PPP2R3A: variants seen among roughly 807,000 people sequenced by gnomAD.
PPP2R3A encodes the protein protein phosphatase 2 regulatory subunit B''alpha, also known as serine/threonine-protein phosphatase 2A regulatory subunit B'' subunit alpha.
In PPP2R3A, 80 loss-of-function variants were observed where a neutral mutation model predicts 106.9. That is an observed-to-expected ratio of 0.75 (90% CI 0.62 to 0.90). PPP2R3A has a LOEUF of 0.90. Ranked by LOEUF, PPP2R3A falls within the 40% of genes least tolerant of loss-of-function variation. PPP2R3A has a pLI of 0.00. For synonymous variants in PPP2R3A, 483 were observed against 468.3 expected (o/e 1.03, Z -0.41); for missense variants, 1,386 against 1,350.4 (o/e 1.03, Z -0.41).
At chr3:135,977,722 A>T (rs1427988185) in intron 1 of PPP2R3A, among the ~76,000 whole-genome samples, 1 of 113,840 alleles carries the variant, frequency 8.8e-6, no homozygotes, top group Non-Finnish European at 1.8e-5. Context: ...TTTTTGAGAT[A>T]AGAGTCTCAC....
chr3:136,022,730 G>A (rs1054645273), intron 2 of PPP2R3A: 36 of 1,075,716 alleles, frequency 3.3e-5, no homozygotes, highest in Admixed American at 2.6e-4. Context: ...AGTAGTGGGT[G>A]CTCCCTTTCC....
At chr3:136,050,367 C>T (rs1040506953) in intron 5 of PPP2R3A, among the ~76,000 whole-genome samples, 1 of 152,200 alleles carries the variant, frequency 6.6e-6, no homozygotes, top group Non-Finnish European at 1.5e-5. Flanking sequence ...CTTTAGCCTT[C>T]GTTTACCAGG....
chr3:136,130,337 T>C (rs1008231986), intron 13 of PPP2R3A, among the ~76,000 whole-genome samples: 1 of 152,132 alleles, frequency 6.6e-6, no homozygotes, highest in Non-Finnish European at 1.5e-5. Flanking sequence ...ACAAAATCAA[T>C]TGTGCAAAAA....
intron 13 of PPP2R3A, among the ~76,000 whole-genome samples, chr3:136,120,214 C>A (rs972230649): frequency 6.6e-6 from 1 of 152,026 alleles, no homozygotes; most frequent in African/African-American, 2.4e-5. Context: ...TGCAACAAAC[C>A]ACCATGGCAT....
chr3:136,144,415 C>T (rs983437838), intron 13 of PPP2R3A, among the ~76,000 whole-genome samples: 5 of 152,100 alleles, frequency 3.3e-5, no homozygotes, highest in African/African-American at 9.7e-5. Context: ...AATCCCAGCA[C>T]TTTGAGAGGC....
At chr3:136,033,826 A>G (rs895353193) in intron 3 of PPP2R3A, among the ~76,000 whole-genome samples, 6 of 151,496 alleles carry the variant, frequency 4.0e-5, no homozygotes, top group African/African-American at 1.5e-4. Context: ...TTATCTTTTC[A>G]AAGAACTAGC....
intron 5 of PPP2R3A, among the ~76,000 whole-genome samples, chr3:136,066,741 C>T (rs1253876429): frequency 2.0e-5 from 3 of 151,964 alleles, no homozygotes; most frequent in Non-Finnish European, 4.4e-5. Context: ...TCTCGAGGAC[C>T]GCACCAAGAG....
intron 13 of PPP2R3A, among the ~76,000 whole-genome samples, chr3:136,118,650 C>T (rs970067796): frequency 6.6e-6 from 1 of 152,118 alleles, no homozygotes; most frequent in Non-Finnish European, 1.5e-5. Flanking sequence ...GAATAAAATT[C>T]CTGGGAATCC....
At chr3:136,014,694 A>C (rs1048888085) in intron 2 of PPP2R3A, among the ~76,000 whole-genome samples, 2 of 152,028 alleles carry the variant, frequency 1.3e-5, no homozygotes, top group African/African-American at 4.8e-5. Context: ...CTGAAACTTG[A>C]CTGAATTCCT....
At chr3:136,066,113 A>AC (rs2107898896) in intron 5 of PPP2R3A, among the ~76,000 whole-genome samples, 1 of 152,374 alleles carries the variant, frequency 6.6e-6, no homozygotes, top group African/African-American at 2.4e-5. Context: ...AGGTAAACAG[A>AC]CTAGCTTTTA....
intron 5 of PPP2R3A, among the ~76,000 whole-genome samples, chr3:136,064,323 C>T (rs950551459): frequency 1.3e-5 from 2 of 151,030 alleles, no homozygotes; most frequent in Non-Finnish European, 2.9e-5. Context: ...TGCTAAATGA[C>T]GAGTTACTGG....
In PPP2R3A at chr3:136,003,008, A is replaced by C. The variant is rs201206858; in HGVS notation, c.1510A>C (p.Ser504Arg). 35 of 1,613,588 alleles carry C rather than the reference A, an allele frequency of 2.2e-5. No homozygotes were observed. Among genetic ancestry groups the C allele is most frequent in the Non-Finnish European group, 3.0e-5 (35 of 1,179,794 alleles). Residue 504 changes from serine (S) to arginine (R), a missense_variant, in exon 2 of 14, where the codon AGT becomes CGT. Physicochemically the swap from Ser to Arg is moderately radical, Grantham distance 110. Coordinates refer to ENST00000264977, the MANE Select transcript of PPP2R3A (RefSeq NM_002718.5). The part of the protein sequence containing the change: ...EGDQRDFTNS[S>R]SQEEIDKLLM... ...AGACCAGAGAGATTTTACAAATTCC[A>C]GTAGCCAGGAAGAGATAGATAAATT...
rs1315111821 is a variant in PPP2R3A, at chr3:136,109,472, A to G, written c.3329+3150A>G. On this transcript the variant is annotated intron_variant, in intron 13 of 13. Coordinates refer to ENST00000264977, the MANE Select transcript of PPP2R3A (RefSeq NM_002718.5). ...AAAAATAATTAAGACCCCCAAAAAAACTGTCTTGATAACATCAGATTTTTA... is the reference window on the plus strand; with the variant it reads ...AAAAATAATTAAGACCCCCAAAAAAGCTGTCTTGATAACATCAGATTTTTA... Among the ~76,000 whole-genome samples, 6 of 152,188 alleles carry G rather than the reference A, an allele frequency of 3.9e-5. No individual in the cohort carries two copies. In the East Asian group the frequency reaches 9.6e-4, roughly 24 times the overall value.
At chr3:136,039,575 C>T (rs566501918) in intron 3 of PPP2R3A, among the ~76,000 whole-genome samples, 9 of 152,104 alleles carry the variant, frequency 5.9e-5, no homozygotes, top group East Asian at 1.9e-4. Context: ...GCACAGTTCA[C>T]GATAGGGTTC....
intron 1 of PPP2R3A, among the ~76,000 whole-genome samples, chr3:135,970,376 C>T (rs1443425936): frequency 6.6e-6 from 1 of 152,130 alleles, no homozygotes; most frequent in Non-Finnish European, 1.5e-5. Context: ...TACTTGTATA[C>T]AGGTGTGCGA....
chr3:136,014,507 T>G (rs952858517), intron 2 of PPP2R3A, among the ~76,000 whole-genome samples: 1 of 152,194 alleles, frequency 6.6e-6, no homozygotes, highest in Non-Finnish European at 1.5e-5. Flanking sequence ...TGGCAGTGTT[T>G]TGTGGTTTTC....
At chr3:136,109,692 C>T (rs769238274) in intron 13 of PPP2R3A, among the ~76,000 whole-genome samples, 10 of 152,260 alleles carry the variant, frequency 6.6e-5, no homozygotes, top group Admixed American at 4.6e-4. Flanking sequence ...GCATTAGACT[C>T]AGCATCTGAG....
chr3:136,142,442 G>A (rs1576343934), intron 13 of PPP2R3A, among the ~76,000 whole-genome samples: 1 of 152,056 alleles, frequency 6.6e-6, no homozygotes, highest in Non-Finnish European at 1.5e-5. Context: ...GACAAAGGAG[G>A]GTTATTGAAT....
intron 1 of PPP2R3A, among the ~76,000 whole-genome samples, chr3:135,987,920 C>G (rs1932992267): frequency 6.6e-6 from 1 of 152,172 alleles, no homozygotes; most frequent in South Asian, 2.1e-4. Context: ...TTGAAGTGCC[C>G]CATGGCTCAG....
Sources: gnomAD v4.1 joint callset for allele counts (sites outside exome capture counted in the v4.1 genomes callset) on GRCh38, gnomAD v4.1.1 for gene constraint, MANE v1.5 for transcripts, NCBI Gene and HGNC (gene_info 2026-07-23, HGNC 2026-07-21) for gene names.